Variants in ST6GALNAC3 observed in about 807,000 individuals in gnomAD.
ST6GALNAC3 encodes ST6 N-acetylgalactosaminide alpha-2,6-sialyltransferase 3, also known as alpha-N-acetylgalactosaminide alpha-2,6-sialyltransferase 3.
A neutral mutation model predicts 32.7 loss-of-function variants in ST6GALNAC3; 25 were observed. The observed-to-expected ratio is 0.76, with a 90% CI of 0.56 to 1.07. The LOEUF (loss-of-function observed/expected upper bound fraction) is 1.07, where lower values mean the gene tolerates loss of function less well. Ranked by LOEUF, ST6GALNAC3 falls within the 50% of genes least tolerant of loss-of-function variation. The pLI is 0.00. For synonymous variants in ST6GALNAC3, 129 were observed against 133.1 expected, an observed-to-expected ratio of 0.97 and a Z score of 0.21; for missense variants, 355 against 382.4, an observed-to-expected ratio of 0.93 and a Z score of 0.60.
intron 1 of ST6GALNAC3, among the ~76,000 whole-genome samples, chr1:76,111,536 T>C (rs1337263143): frequency 1.3e-5 from 2 of 151,070 alleles, no homozygotes; most frequent in Non-Finnish European, 2.9e-5. Flanking sequence ...GGTCAGCAGA[T>C]AAACAAGTGA....
In ST6GALNAC3 at chr1:76,314,017, T is replaced by C. The variant is rs1646820545; in HGVS notation, c.213+18T>C. On this transcript the variant is annotated intron_variant, in intron 2 of 4. Coordinates refer to ENST00000328299, the MANE Select transcript of ST6GALNAC3 (RefSeq NM_152996.4). ...CACAAGAGGTAAGATCCCAGAGGGT[T>C]ACCTAGCAGTTGGAGAGTATCCATG... is the stretch of plus-strand genomic sequence containing the variant. 1 of 1,604,506 alleles carries C rather than the reference T, an allele frequency of 6.2e-7. No individual in the cohort carries two copies. The highest frequency in any genetic ancestry group is 8.5e-7 in the Non-Finnish European group (1 of 1,175,096).
At chr1:76,485,288 G>A (rs1660034295) in intron 3 of ST6GALNAC3, among the ~76,000 whole-genome samples, 1 of 152,304 alleles carries the variant, frequency 6.6e-6, no homozygotes, top group South Asian at 2.1e-4. Context: ...AATAGTTTCA[G>A]AAGGAATGGT....
intron 1 of ST6GALNAC3, among the ~76,000 whole-genome samples, chr1:76,150,662 C>T (rs892319156): frequency 7.9e-5 from 12 of 152,024 alleles, no homozygotes; most frequent in Non-Finnish European, 8.8e-5. Flanking sequence ...TTCTGTGAAA[C>T]GTTGTCAGAT....
At chr1:76,152,960 A>G (rs1185423237) in intron 1 of ST6GALNAC3, among the ~76,000 whole-genome samples, 1 of 152,152 alleles carries the variant, frequency 6.6e-6, no homozygotes, top group African/African-American at 2.4e-5. Flanking sequence ...GGATATTCCT[A>G]TTGGAAAATG....
At chr1:76,175,522 G>GT (rs11406854) in intron 1 of ST6GALNAC3, among the ~76,000 whole-genome samples, 102,925 of 146,350 alleles carry the variant, frequency 0.7, 37,766 homozygotes, top group East Asian at 0.94. Context: ...CTGATGGATA[G>GT]TTTTTTTTTT....
intron 1 of ST6GALNAC3, among the ~76,000 whole-genome samples, chr1:76,201,259 T>C (rs1433421280): frequency 6.6e-6 from 1 of 152,144 alleles, no homozygotes; most frequent in African/African-American, 2.4e-5. Context: ...GTCTCAATCA[T>C]GGTGAAAGGC....
chr1:76,313,875 A>C lies in ST6GALNAC3; in HGVS notation c.89A>C (p.Glu30Ala). Reference protein sequence around the residue: ...LFLLVVRLVNEVNFPLLLNCF... With the variant: ...LFLLVVRLVNAVNFPLLLNCF... Reference sequence around the variant, plus strand: ...CTGCTGGTTGTGCGTCTTGTAAATGAAGTGAATTTCCCATTGCTACTAAAC... The same window carrying C: ...CTGCTGGTTGTGCGTCTTGTAAATGCAGTGAATTTCCCATTGCTACTAAAC... Residue 30 changes from glutamate (E) to alanine (A), a missense_variant, in exon 2 of 5, where the codon GAA becomes GCA. By Grantham distance (107) the Glu-to-Ala change is moderately radical. Transcript: ENST00000328299. The C allele has an allele frequency of 6.2e-7, 1 of 1,613,622 alleles. No individual in the cohort carries two copies. Among genetic ancestry groups the C allele is most frequent in the Non-Finnish European group, 8.5e-7 (1 of 1,179,738 alleles).
intron 1 of ST6GALNAC3, among the ~76,000 whole-genome samples, chr1:76,297,600 G>A (rs1053863151): frequency 6.6e-6 from 1 of 151,950 alleles, no homozygotes; most frequent in African/African-American, 2.4e-5. Context: ...CCAGTTACTA[G>A]CTGTTAATTT....
At chr1:76,514,865 C>A (rs1662080349) in intron 3 of ST6GALNAC3, among the ~76,000 whole-genome samples, 1 of 152,080 alleles carries the variant, frequency 6.6e-6, no homozygotes, top group Non-Finnish European at 1.5e-5. Flanking sequence ...GGGATAAATT[C>A]CACTTGAACA....
chr1:76,224,591 A>G (rs1378670506), intron 1 of ST6GALNAC3, among the ~76,000 whole-genome samples: 1 of 152,194 alleles, frequency 6.6e-6, no homozygotes, highest in East Asian at 1.9e-4. Context: ...TCTTTCTTCA[A>G]CACAGAGTAT....
chr1:76,302,408 C>T (rs1660779570), intron 1 of ST6GALNAC3, among the ~76,000 whole-genome samples: 1 of 151,956 alleles, frequency 6.6e-6, no homozygotes, highest in Admixed American at 6.6e-5. Flanking sequence ...TCTTGCTGTG[C>T]CTTTCTGAAT....
At chr1:76,456,458 C>T (rs1208506643) in intron 3 of ST6GALNAC3, among the ~76,000 whole-genome samples, 1 of 151,982 alleles carries the variant, frequency 6.6e-6, no homozygotes, top group Admixed American at 6.6e-5. Flanking sequence ...GCAATTCTGC[C>T]TCAGTGTCCT....
intron 3 of ST6GALNAC3, among the ~76,000 whole-genome samples, chr1:76,603,322 C>G (rs1570421907): frequency 6.6e-6 from 1 of 152,086 alleles, no homozygotes; most frequent in Non-Finnish European, 1.5e-5. Context: ...TCTCAAATAT[C>G]CATTGACAGA....
intron 3 of ST6GALNAC3, among the ~76,000 whole-genome samples, chr1:76,532,606 T>C (rs1663330142): frequency 6.6e-6 from 1 of 152,040 alleles, no homozygotes; most frequent in Non-Finnish European, 1.5e-5. Context: ...AAGAGAGAAT[T>C]AAGAAAGAAC....
At chr1:76,453,375 CTGTT>C (rs1454365897) in intron 3 of ST6GALNAC3, among the ~76,000 whole-genome samples, 1 of 151,900 alleles carries the variant, frequency 6.6e-6, no homozygotes, top group African/African-American at 2.4e-5. Flanking sequence ...CTTATATTGT[CTGTT>C]TGTGCTCTTT....
At chr1:76,100,316 G>A (rs1647197637) in intron 1 of ST6GALNAC3, among the ~76,000 whole-genome samples, 1 of 152,054 alleles carries the variant, frequency 6.6e-6, no homozygotes, top group South Asian at 2.1e-4. Flanking sequence ...TTATCACTGT[G>A]TTAGGTTTGC....
chr1:76,472,986 C>T (rs1464351953), intron 3 of ST6GALNAC3, among the ~76,000 whole-genome samples: 1 of 151,946 alleles, frequency 6.6e-6, no homozygotes, highest in Non-Finnish European at 1.5e-5. Flanking sequence ...GGATGGAATT[C>T]AGAGAAGAGG....
intron 2 of ST6GALNAC3, among the ~76,000 whole-genome samples, chr1:76,397,517 G>A (rs1240774596): frequency 1.3e-5 from 2 of 150,070 alleles, no homozygotes; most frequent in East Asian, 2.0e-4. Flanking sequence ...TTACAGGCAC[G>A]CACCACCAGG....
intron 1 of ST6GALNAC3, among the ~76,000 whole-genome samples, chr1:76,254,164 C>T (rs1657784902): frequency 6.6e-6 from 1 of 152,082 alleles, no homozygotes; most frequent in Non-Finnish European, 1.5e-5. Context: ...TATACAGATG[C>T]TAAATATACA....
Sources: allele counts gnomAD v4.1 joint callset (sites outside exome capture counted in the v4.1 genomes callset), GRCh38; gene constraint gnomAD v4.1.1; transcripts MANE v1.5; gene names NCBI Gene and HGNC (gene_info 2026-07-23, HGNC 2026-07-21).